Variants in RGS7 observed in about 807,000 individuals in gnomAD.
The protein encoded by RGS7 is regulator of G protein signaling 7.
In RGS7, 27 loss-of-function variants were observed where a neutral mutation model predicts 81.1. That is an observed-to-expected ratio of 0.33 (90% CI 0.25 to 0.46). RGS7 has a LOEUF of 0.46. Among genes scored for constraint, RGS7 ranks in the 20% least tolerant of loss-of-function variants. The pLI is 1.00. For missense variants in RGS7, 396 were observed against 607.4 expected (o/e 0.65, Z 3.66); for synonymous variants, 208 against 207.7 (o/e 1.00, Z -0.01).
intron 2 of RGS7, among the ~76,000 whole-genome samples, chr1:241,168,968 C>T (rs1181437484): frequency 1.3e-5 from 2 of 152,170 alleles, no homozygotes; most frequent in African/African-American, 4.8e-5. Context: ...TCAGAGCCTT[C>T]ACATAAGAAT....
At chr1:240,944,282 G>GTGTA (rs1352421845) in intron 4 of RGS7, among the ~76,000 whole-genome samples, 102 of 55,780 alleles carry the variant, frequency 1.8e-3, no homozygotes, top group Middle Eastern at 0.011. Flanking sequence ...GTGTGTGTGT[G>GTGTA]TATATATATA....
chr1:241,212,524 A>G (rs1196846134), intron 2 of RGS7, among the ~76,000 whole-genome samples: 1 of 152,148 alleles, frequency 6.6e-6, no homozygotes, highest in Admixed American at 6.6e-5. Context: ...TGAAGCTGCC[A>G]GGGTAGGAGA....
intron 3 of RGS7, among the ~76,000 whole-genome samples, chr1:241,017,954 T>A (rs1175171727): frequency 1.4e-5 from 2 of 145,148 alleles, no homozygotes; most frequent in African/African-American, 5.5e-5. Context: ...TGATGACTGC[T>A]TTGTCTCTCT....
chr1:241,070,900 T>G (rs780772484), intron 3 of RGS7, among the ~76,000 whole-genome samples: 1 of 152,188 alleles, frequency 6.6e-6, no homozygotes, highest in Non-Finnish European at 1.5e-5. Flanking sequence ...AATATGTCCA[T>G]TGCTTCTCAG....
rs147922211 is a variant in RGS7, at chr1:241,255,912, T to C, written c.78+99787A>G. Among the ~76,000 whole-genome samples the C allele has an allele frequency of 9.5e-3, 1,452 of 152,290 alleles. 10 individuals are homozygous for C. The highest frequency in any genetic ancestry group is 0.018 in the African/African-American group (743 of 41,564). ...AAATTCTGACTGGGGCTCCACAATA[T>C]GTTTATGAAAATAATCTATGTTTCC... On this transcript the variant is annotated intron_variant, in intron 2 of 18. Transcript: ENST00000440928.
intron 2 of RGS7, among the ~76,000 whole-genome samples, chr1:241,259,768 G>A (rs370998605): frequency 1.3e-5 from 2 of 150,218 alleles, no homozygotes; most frequent in South Asian, 2.1e-4. Context: ...AGGACACAAG[G>A]TCCCTGTGCC....
intron 2 of RGS7, among the ~76,000 whole-genome samples, chr1:241,237,467 G>A (rs1041613718): frequency 6.6e-6 from 1 of 152,002 alleles, no homozygotes; most frequent in East Asian, 1.9e-4. Context: ...TTAGGAGTCC[G>A]CACCAGAATG....
intron 3 of RGS7, among the ~76,000 whole-genome samples, chr1:241,088,290 G>C (rs529273714): frequency 1.5e-4 from 23 of 151,794 alleles, no homozygotes; most frequent in African/African-American, 5.1e-4. Context: ...AGGCAGGGAG[G>C]GACTGATCCA....
At position 241,153,212 on chromosome 1, in the gene RGS7, G is replaced by A. The variant is rs188581454; in HGVS notation, c.79-54450C>T. 1.4e-4 allele frequency among the ~76,000 whole-genome samples: 21 copies of A among 152,352 alleles called. 1 individual carries two copies. Among genetic ancestry groups the A allele is most frequent in the Admixed American group, 1.4e-3 (21 of 15,306 alleles). ...AGATGCATTTGTCAGGCTGATGACT[G>A]AGGGTGGGAGCATCATGGAGAGTCA... On this transcript the variant is annotated intron_variant, in intron 2 of 18. Coordinates refer to ENST00000440928, the MANE Select transcript of RGS7 (RefSeq NM_001364886.1).
intron 4 of RGS7, among the ~76,000 whole-genome samples, chr1:240,952,269 T>C (rs1411916264): frequency 1.3e-5 from 2 of 152,092 alleles, no homozygotes; most frequent in East Asian, 3.8e-4. Flanking sequence ...ATCTAAAATA[T>C]AACTATTTGT....
chr1:241,267,931 A>C (rs909414614), intron 2 of RGS7, among the ~76,000 whole-genome samples: 1 of 152,234 alleles, frequency 6.6e-6, no homozygotes, highest in Non-Finnish European at 1.5e-5. Context: ...TTTATTTTAG[A>C]ATATGCCTTT....
Position 240,964,452 on chromosome 1 carries a change from T to C in RGS7, c.226+18627A>G, listed in dbSNP as rs186188592. Among the ~76,000 whole-genome samples the C allele has an allele frequency of 7.1e-4, 108 of 152,160 alleles. 3 individuals carry two copies. In the South Asian group the frequency reaches 0.022, roughly 31 times the overall value. On this transcript the variant is annotated intron_variant, in intron 4 of 18. Transcript: ENST00000440928. The stretch of plus-strand genomic sequence containing the variant: ...AGATAGACACGGGAATACAACAAGA[T>C]TGATCCAGGATCAGAAACTCTCTTG...
rs372284964 is a variant in RGS7 at position 241,044,274 on chromosome 1, G to A, written c.175+54392C>T. On this transcript the variant is annotated intron_variant, in intron 3 of 18. Coordinates refer to ENST00000440928, the MANE Select transcript of RGS7 (RefSeq NM_001364886.1). Reference sequence around the variant, plus strand: ...ATTACAAGTGCACACAACCACGCCCGCCTAATTTTTGTATTTTTAGAAACG... The same window carrying A: ...ATTACAAGTGCACACAACCACGCCCACCTAATTTTTGTATTTTTAGAAACG... 5.3e-5 allele frequency among the ~76,000 whole-genome samples: 8 copies of A among 151,726 alleles called. No homozygotes were observed. In the South Asian group the frequency reaches 8.3e-4, roughly 16 times the overall value.
rs114544990 is a variant in RGS7 at position 241,090,026 on chromosome 1, G to A, written c.175+8640C>T. Among the ~76,000 whole-genome samples the A allele has an allele frequency of 9.6e-3, 1,445 of 150,106 alleles. 28 individuals are homozygous for A. Among genetic ancestry groups the A allele is most frequent in the African/African-American group, 0.034 (1,384 of 40,784 alleles). ...AAAAAAAAAAAAGAGAGAGAGAACA[G>A]GAAAACTTTTTTTCTTCCATAGGGA... is the stretch of plus-strand genomic sequence containing the variant. On this transcript the variant is annotated intron_variant, in intron 3 of 18. Coordinates refer to ENST00000440928, the MANE Select transcript of RGS7 (RefSeq NM_001364886.1).
At chr1:240,998,247 T>C (rs892857782) in intron 3 of RGS7, among the ~76,000 whole-genome samples, 1 of 152,220 alleles carries the variant, frequency 6.6e-6, no homozygotes, top group Admixed American at 6.5e-5. Flanking sequence ...TGTTTTGTGG[T>C]TGTCTGCAGT....
intron 3 of RGS7, among the ~76,000 whole-genome samples, chr1:240,985,345 C>T (rs1247047204): frequency 6.6e-6 from 1 of 152,148 alleles, no homozygotes; most frequent in Non-Finnish European, 1.5e-5. Flanking sequence ...CATTCCAGGA[C>T]TATACATATT....
At chr1:241,192,282 TGTGTTTG>T (rs2072746295) in intron 2 of RGS7, among the ~76,000 whole-genome samples, 1 of 149,894 alleles carries the variant, frequency 6.7e-6, no homozygotes, top group Non-Finnish European at 1.5e-5. Context: ...TGTGTGTGTG[TGTGTTTG>T]GTTTGCTTTG....
chr1:241,323,783 C>T (rs2081338804), intron 2 of RGS7, among the ~76,000 whole-genome samples: 2 of 152,134 alleles, frequency 1.3e-5, no homozygotes, highest in African/African-American at 4.8e-5. Flanking sequence ...TGAAATGCAA[C>T]CCAACTCCAA....
intron 3 of RGS7, among the ~76,000 whole-genome samples, chr1:241,055,363 G>A (rs984674516): frequency 6.6e-6 from 1 of 152,108 alleles, no homozygotes; most frequent in African/African-American, 2.4e-5. Context: ...ATTCTTCTTA[G>A]GTTTGATTAA....
Sources: gnomAD v4.1 joint callset for allele counts (sites outside exome capture counted in the v4.1 genomes callset) on GRCh38, gnomAD v4.1.1 for gene constraint, MANE v1.5 for transcripts, NCBI Gene and HGNC (gene_info 2026-07-23, HGNC 2026-07-21) for gene names.